PCDHGA7: variants seen among roughly 807,000 people sequenced by gnomAD.
PCDHGA7 encodes protocadherin gamma subfamily A, 7, also known as protocadherin gamma-A7.
A neutral mutation model predicts 58.3 loss-of-function variants in PCDHGA7; 44 were observed. That is an observed-to-expected ratio of 0.75 (90% CI 0.59 to 0.97). The LOEUF (loss-of-function observed/expected upper bound fraction) is 0.97. PCDHGA7 is among the 50% of genes least tolerant of loss of function. The pLI is 0.00. For missense variants in PCDHGA7, 1,266 were observed against 1,188.7 expected (o/e 1.06, Z -0.96); for synonymous variants, 516 against 504.2 (o/e 1.02, Z -0.31).
intron 1 of PCDHGA7, chr5:141,441,834 C>T (rs370689467): frequency 2.6e-5 from 9 of 352,638 alleles, no homozygotes; most frequent in Non-Finnish European, 3.9e-5. Flanking sequence ...GCAATGGCTT[C>T]GCGCTCTTGG....
chr5:141,397,424 T>A (rs975746097), intron 1 of PCDHGA7, among the ~76,000 whole-genome samples: 4 of 152,324 alleles, frequency 2.6e-5, no homozygotes, highest in African/African-American at 9.6e-5. Flanking sequence ...ATAGTATAGA[T>A]TTCCCTAATA....
chr5:141,419,115 A>G (rs1159582360), intron 1 of PCDHGA7: 1 of 1,613,872 alleles, frequency 6.2e-7, no homozygotes, highest in Non-Finnish European at 8.5e-7. Flanking sequence ...CCAGAGTACA[A>G]CGTCACCATC....
intron 1 of PCDHGA7, chr5:141,430,668 C>T (rs538633559): frequency 1.6e-6 from 2 of 1,243,872 alleles, no homozygotes; most frequent in East Asian, 2.5e-5. Context: ...GGAGCTCTGA[C>T]TTCCCAACTG....
Position 141,489,263 on chromosome 5 carries a change from A to G in PCDHGA7, c.2425-5544A>G. The G allele has an allele frequency of 6.4e-7, 1 of 1,552,104 alleles. No homozygotes were observed. Among genetic ancestry groups the G allele is most frequent in the South Asian group, 1.3e-5 (1 of 79,626 alleles). On this transcript the variant is annotated intron_variant, in intron 1 of 3. Transcript: ENST00000518325. This position sits in a 1 kb window ranked among gnomAD's most constrained non-coding sequence, Gnocchi z 4.5. ...GTCATGGGGCCCAAGACACTCCCAC[A>G]GCTCGCTGGGAAATGGCAAGTGCTG...
At chr5:141,470,602 G>A (rs1004044883) in intron 1 of PCDHGA7, among the ~76,000 whole-genome samples, 1 of 152,268 alleles carries the variant, frequency 6.6e-6, no homozygotes, top group South Asian at 2.1e-4. Flanking sequence ...ACCTGTGCGG[G>A]GACACAGGGC....
rs2099687715 is a variant in PCDHGA7, at chr5:141,489,479, T to G, written c.2425-5328T>G. 1.2e-6 allele frequency: 2 copies of G among 1,614,090 alleles called. No individual in the cohort carries two copies. The highest frequency in any genetic ancestry group is 1.7e-6 in the Non-Finnish European group (2 of 1,180,010). ...GGGCGCTATTTTTCCCTGAGCTTGATGAGTGGTGCCCTGGCAGTGAATCAA... is the reference window on the plus strand; with the variant it reads ...GGGCGCTATTTTTCCCTGAGCTTGAGGAGTGGTGCCCTGGCAGTGAATCAA... On this transcript the variant is annotated intron_variant, in intron 1 of 3. Transcript: ENST00000518325. This position sits in a 1 kb window ranked among gnomAD's most constrained non-coding sequence, Gnocchi z 4.5.
intron 1 of PCDHGA7, chr5:141,410,466 G>A (rs536543649): frequency 6.2e-7 from 1 of 1,613,908 alleles, no homozygotes; most frequent in African/African-American, 1.3e-5. Context: ...TATAATCTGT[G>A]CATTGCACAT....
Position 141,490,083 on chromosome 5 carries a change from T to G in PCDHGA7, c.2425-4724T>G. Reference sequence around the variant, plus strand: ...CCAACGGCCAACTAGACTATTCTTTTGGAGACCACACATCTGAGGCAGTGC... The same window carrying G: ...CCAACGGCCAACTAGACTATTCTTTGGGAGACCACACATCTGAGGCAGTGC... On this transcript the variant is annotated intron_variant, in intron 1 of 3. Coordinates refer to ENST00000518325, the MANE Select transcript of PCDHGA7 (RefSeq NM_018920.4). This position sits in a 1 kb window ranked among gnomAD's most constrained non-coding sequence, Gnocchi z 5.4. 1.2e-6 allele frequency: 2 copies of G among 1,614,262 alleles called. No individual in the cohort carries two copies. The highest frequency in any genetic ancestry group is 1.7e-6 in the Non-Finnish European group (2 of 1,180,054).
At chr5:141,409,484 G>A in intron 1 of PCDHGA7, 1 of 1,613,974 alleles carries the variant, frequency 6.2e-7, no homozygotes, top group Non-Finnish European at 8.5e-7. Flanking sequence ...CACTGACAGG[G>A]GCAAGCCGCC....
chr5:141,394,012 A>C lies in PCDHGA7; in HGVS notation c.2424+8689A>C, dbSNP rs756847755. ...TTTAAATTAGAAAAGTCAATAGGTA[A>C]TTATTATAGATTAGTGACAAGGAAA... On this transcript the variant is annotated intron_variant, in intron 1 of 3. Coordinates refer to ENST00000518325, the MANE Select transcript of PCDHGA7 (RefSeq NM_018920.4). The C allele has an allele frequency of 2.6e-5, 42 of 1,613,288 alleles. No individual in the cohort carries two copies. Among genetic ancestry groups the C allele is most frequent in the Non-Finnish European group, 3.4e-5 (40 of 1,179,552 alleles).
chr5:141,392,894 G>A (rs1327938971), intron 1 of PCDHGA7: 14 of 1,613,802 alleles, frequency 8.7e-6, no homozygotes, highest in Non-Finnish European at 1.2e-5. Flanking sequence ...GGGAAATCGG[G>A]AGGGGACAGA....
At position 141,477,115 on chromosome 5, in the gene PCDHGA7, A is replaced by T. The variant is rs1218111107; in HGVS notation, c.2425-17692A>T. On this transcript the variant is annotated intron_variant, in intron 1 of 3. Coordinates refer to ENST00000518325, the MANE Select transcript of PCDHGA7 (RefSeq NM_018920.4). The surrounding 1 kb of genome is among the most constrained non-coding windows in gnomAD (Gnocchi z 4.9). Reference sequence around the variant, plus strand: ...AAGACAAGGGCGCCAATCCCGAAGGAGCACATTGCAAAGTGTTGGTGGAGG... The same window carrying T: ...AAGACAAGGGCGCCAATCCCGAAGGTGCACATTGCAAAGTGTTGGTGGAGG... The T allele has an allele frequency of 6.2e-7, 1 of 1,614,230 alleles. No individual in the cohort carries two copies. Among genetic ancestry groups the T allele is most frequent in the Non-Finnish European group, 8.5e-7 (1 of 1,180,038 alleles).
chr5:141,429,390 A>ATT (rs1561841316), intron 1 of PCDHGA7, among the ~76,000 whole-genome samples: 8 of 150,216 alleles, frequency 5.3e-5, no homozygotes, highest in African/African-American at 1.7e-4. Flanking sequence ...TTTTTTTTAA[A>ATT]AAAAATTGAG....
Position 141,432,911 on chromosome 5 carries a change from C to G in PCDHGA7, c.2424+47588C>G. 5 of 1,614,176 alleles carry G rather than the reference C, an allele frequency of 3.1e-6. No homozygotes were observed. Among genetic ancestry groups the G allele is most frequent in the Non-Finnish European group, 4.2e-6 (5 of 1,180,014 alleles). Reference sequence around the variant, plus strand: ...CTTGCTGCTGGCGCTCAGGCTGCGGCGCTGGCACAAGTCACGCCTGCTGCA... The same window carrying G: ...CTTGCTGCTGGCGCTCAGGCTGCGGGGCTGGCACAAGTCACGCCTGCTGCA... On this transcript the variant is annotated intron_variant, in intron 1 of 3. Transcript: ENST00000518325. This position sits in a 1 kb window ranked among gnomAD's most constrained non-coding sequence, Gnocchi z 6.0.
At chr5:141,429,912 A>G (rs1341795921) in intron 1 of PCDHGA7, among the ~76,000 whole-genome samples, 2 of 152,234 alleles carry the variant, frequency 1.3e-5, no homozygotes, top group Admixed American at 1.3e-4. Flanking sequence ...TTGAAATATA[A>G]TGTATTAATA....
chr5:141,417,792 T>C, intron 1 of PCDHGA7: 1 of 1,483,216 alleles, frequency 6.7e-7, no homozygotes, highest in South Asian at 1.4e-5. Flanking sequence ...CCGAATGCTC[T>C]TTTAGCGCGG....
intron 1 of PCDHGA7, chr5:141,408,786 C>A: frequency 6.2e-7 from 1 of 1,612,430 alleles, no homozygotes; most frequent in Non-Finnish European, 8.5e-7. Flanking sequence ...CCAGAGTTAT[C>A]TCTGGAGAAA....
intron 1 of PCDHGA7, chr5:141,385,554 T>C (rs2090283366): frequency 7.6e-7 from 1 of 1,314,354 alleles, no homozygotes; most frequent in Non-Finnish European, 9.7e-7. Context: ...TATCACATTT[T>C]ATAATTTCCA....
Position 141,384,796 on chromosome 5 carries a change from C to A in PCDHGA7, c.1897C>A (p.Leu633Met), listed in dbSNP as rs1182973938. 1 of 1,613,330 alleles carries A rather than the reference C, an allele frequency of 6.2e-7. No homozygotes were observed. Among genetic ancestry groups the A allele is most frequent in the African/African-American group, 1.3e-5 (1 of 74,956 alleles). ...TGEVRTARAL[L>M]DRDALKQSLV... ...CGAGGTGCGCACGGCTCGGGCCCTG[C>A]TGGACAGAGATGCCCTCAAGCAGAG... is the stretch of plus-strand genomic sequence containing the variant. Residue 633 changes from leucine (L) to methionine (M), a missense_variant, in exon 1 of 4, where the codon CTG becomes ATG. Coordinates refer to ENST00000518325, the MANE Select transcript of PCDHGA7 (RefSeq NM_018920.4).
Sources: allele counts gnomAD v4.1 joint callset (sites outside exome capture counted in the v4.1 genomes callset), GRCh38; gene constraint gnomAD v4.1.1; non-coding constraint Gnocchi (gnomAD v3.1); transcripts MANE v1.5; gene names NCBI Gene and HGNC (gene_info 2026-07-23, HGNC 2026-07-21).